Variants in WDR41 observed in about 807,000 individuals in gnomAD.
WDR41 encodes the protein WD repeat-containing protein 41.
Under a neutral mutation model 69.3 loss-of-function variants are expected in WDR41, and 63 were observed. The observed-to-expected ratio is 0.91, with a 90% CI of 0.74 to 1.12. The LOEUF (loss-of-function observed/expected upper bound fraction) is 1.12. Ranked by LOEUF, WDR41 falls within the 50% of genes most tolerant of loss-of-function variation. The pLI is 0.00. For missense variants in WDR41, 543 were observed against 534.5 expected (o/e 1.02, Z -0.16); for synonymous variants, 185 against 192.1 (o/e 0.96, Z 0.31).
chr5:77,467,939 T>C (rs1800376651), intron 2 of WDR41, among the ~76,000 whole-genome samples: 1 of 151,926 alleles, frequency 6.6e-6, no homozygotes, highest in African/African-American at 2.4e-5. Flanking sequence ...TTCAGGTTTT[T>C]TCTTTAACTT....
At chr5:77,472,936 G>A (rs1254861104) in intron 2 of WDR41, among the ~76,000 whole-genome samples, 7 of 152,042 alleles carry the variant, frequency 4.6e-5, no homozygotes, top group Admixed American at 4.6e-4. Flanking sequence ...CGTTCATATG[G>A]AACCAAAAAA....
chr5:77,452,685 C>T (rs1286247650), intron 6 of WDR41: 1 of 152,204 alleles, frequency 6.6e-6, no homozygotes, highest in Non-Finnish European at 1.5e-5. Flanking sequence ...ATGGCCTTCT[C>T]AAGGCTTTCC....
At chr5:77,619,639 A>G (rs1013304132) in intron 1 of WDR41, among the ~76,000 whole-genome samples, 4 of 152,212 alleles carry the variant, frequency 2.6e-5, no homozygotes, top group Admixed American at 1.3e-4. Context: ...CAGGATTACC[A>G]TAGGGAAGGA....
At chr5:77,453,761 C>G in intron 6 of WDR41, 56 bp downstream of exon 6, 2 of 1,386,698 alleles carry the variant, frequency 1.4e-6, no homozygotes, top group Non-Finnish European at 2.0e-6. Context: ...CTCTGAAGAT[C>G]TGCTGTGTCT....
Position 77,432,404 on chromosome 5 carries a change from G to T in WDR41, c.*731C>A, listed in dbSNP as rs1382702078. The stretch of plus-strand genomic sequence containing the variant: ...TGGTCAGATGGGGCAGTTGCGCTCA[G>T]CTGCAGTCCCTGACTCCGGAAACAC... On this transcript the variant is annotated 3_prime_UTR_variant, in exon 13 of 13. Coordinates refer to ENST00000296679, the MANE Select transcript of WDR41 (RefSeq NM_018268.4). 1 of 152,664 alleles carries T rather than the reference G, an allele frequency of 6.6e-6. No homozygotes were observed. The highest frequency in any genetic ancestry group is 2.4e-5 in the African/African-American group (1 of 41,452). The allele number at this position is 152,664 out of a possible 1,614,324, so 9.5% of individuals were successfully genotyped here.
chr5:77,519,233 C>G (rs984861506), intron 1 of WDR41, among the ~76,000 whole-genome samples: 1 of 151,824 alleles, frequency 6.6e-6, no homozygotes, highest in Admixed American at 6.6e-5. Context: ...CTCCTATATC[C>G]TTGCATACAT....
chr5:77,570,922 A>G (rs553565898), intron 1 of WDR41, among the ~76,000 whole-genome samples: 1 of 152,192 alleles, frequency 6.6e-6, no homozygotes, highest in Admixed American at 6.5e-5. Flanking sequence ...AATTTACCCT[A>G]TTTATCTTGA....
intron 1 of WDR41, among the ~76,000 whole-genome samples, chr5:77,566,908 C>T (rs1743643315): frequency 6.6e-6 from 1 of 152,084 alleles, no homozygotes. Flanking sequence ...AATGGCACTC[C>T]ATGTGATGGA....
intron 1 of WDR41, among the ~76,000 whole-genome samples, chr5:77,590,056 CTTTG>C (rs1744109563): frequency 6.6e-6 from 1 of 151,632 alleles, no homozygotes. Flanking sequence ...TGCTTTTTTT[CTTTG>C]TTTATTGAGA....
rs180995752 is a variant in WDR41, at chr5:77,585,803, T to C, written c.42+34676A>G. On this transcript the variant is annotated intron_variant, in intron 1 of 5. Transcript: ENST00000509971. ...ATGCAAAGGCATAAGAATGATACCA[T>C]GGACTTTGGGGACTTGGGGGGAAGA... Among the ~76,000 whole-genome samples the C allele has an allele frequency of 6.2e-4, 95 of 152,206 alleles. 2 individuals are homozygous for C. The Middle Eastern group carries it at 0.01, about 16-fold the overall frequency.
intron 2 of WDR41, among the ~76,000 whole-genome samples, chr5:77,480,783 C>A (rs1301325275): frequency 1.3e-5 from 2 of 150,522 alleles, no homozygotes; most frequent in African/African-American, 2.5e-5. Flanking sequence ...ATGTAACTAA[C>A]CTGCACATTG....
chr5:77,496,611 A>C (rs1191522446), upstream of WDR41, among the ~76,000 whole-genome samples: 1 of 152,064 alleles, frequency 6.6e-6, no homozygotes, highest in African/African-American at 2.4e-5. Context: ...AAAGAAATTA[A>C]AGAGTACCTA....
At chr5:77,443,857 GCATTCAGCT>G (rs1393832355) in intron 8 of WDR41, among the ~76,000 whole-genome samples, 1 of 148,486 alleles carries the variant, frequency 6.7e-6, no homozygotes, top group Non-Finnish European at 1.5e-5. Context: ...ATAAAATACG[GCATTCAGCT>G]CAATCAGCAC....
chr5:77,579,778 A>G (rs1743903785), intron 1 of WDR41, among the ~76,000 whole-genome samples: 1 of 152,236 alleles, frequency 6.6e-6, no homozygotes, highest in Non-Finnish European at 1.5e-5. Flanking sequence ...GTATAACTGC[A>G]TATTTTCCCC....
intron 1 of WDR41, among the ~76,000 whole-genome samples, chr5:77,537,008 G>A (rs1423139810): frequency 1.3e-5 from 2 of 152,206 alleles, no homozygotes; most frequent in Non-Finnish European, 2.9e-5. Context: ...AATGGGAATA[G>A]GTTTGCTTAC....
chr5:77,561,396 A>G (rs1183255836), intron 1 of WDR41, among the ~76,000 whole-genome samples: 1 of 152,178 alleles, frequency 6.6e-6, no homozygotes, highest in Non-Finnish European at 1.5e-5. Flanking sequence ...AATTCTCAGA[A>G]TCTCACAAAA....
chr5:77,612,743 A>AGCCAAATCATGAG (rs1744588418), intron 1 of WDR41, among the ~76,000 whole-genome samples: 1 of 151,152 alleles, frequency 6.6e-6, no homozygotes, highest in South Asian at 2.1e-4. Context: ...CAAGACAGGG[A>AGCCAAATCATGAG]TGCCCTCTCT....
intron 12 of WDR41, among the ~76,000 whole-genome samples, chr5:77,433,629 T>C (rs1477355718): frequency 6.6e-6 from 1 of 152,192 alleles, no homozygotes. Context: ...ATGTCTGAAT[T>C]CTAAATTTCC....
chr5:77,467,865 C>A (rs975947083), intron 2 of WDR41, among the ~76,000 whole-genome samples: 3 of 151,868 alleles, frequency 2.0e-5, no homozygotes, highest in South Asian at 2.1e-4. Context: ...AACCCAGAAT[C>A]CCTACCACAC....
Sources: gnomAD v4.1 joint callset for allele counts (sites outside exome capture counted in the v4.1 genomes callset) on GRCh38, gnomAD v4.1.1 for gene constraint, MANE v1.5 for transcripts, NCBI Gene and HGNC (gene_info 2026-07-23, HGNC 2026-07-21) for gene names.